The following MLPH variants were observed in gnomAD, a reference collection of about 807,000 sequenced individuals.
MLPH encodes the protein melanophilin, also known as exophilin-3.
In MLPH, 51 loss-of-function variants were observed where a neutral mutation model predicts 72.1. The ratio of observed to expected loss-of-function variants is 0.71; its 90% CI spans 0.56 to 0.89. MLPH has a LOEUF of 0.89. Among genes scored for constraint, MLPH ranks in the 40% least tolerant of loss-of-function variants. The pLI, the probability that MLPH is intolerant of heterozygous loss-of-function variation, is 0.00. For missense variants in MLPH, 743 were observed against 759.9 expected (o/e 0.98, Z 0.26); for synonymous variants, 301 against 310.1 (o/e 0.97, Z 0.31).
intron 6 of MLPH, among the ~76,000 whole-genome samples, chr2:237,524,288 G>C (rs2106335214): frequency 7.7e-6 from 1 of 129,260 alleles, no homozygotes; most frequent in Admixed American, 7.2e-5. Context: ...TTCTTAGAGG[G>C]ACAGAACTAA....
intron 12 of MLPH, among the ~76,000 whole-genome samples, 177 bp downstream of exon 12, chr2:237,542,836 T>TA (rs1559373240): frequency 7.4e-5 from 1 of 13,462 alleles, no homozygotes; most frequent in East Asian, 3.6e-3. Context: ...CAGTGGTGAG[T>TA]GGGGGACAGT....
At chr2:237,490,346 A>C (rs2079405090) in intron 1 of MLPH, among the ~76,000 whole-genome samples, 1 of 152,130 alleles carries the variant, frequency 6.6e-6, no homozygotes, top group South Asian at 2.1e-4. Context: ...AAAAGAAAGA[A>C]AACCATTTGA....
chr2:237,508,023 A>G (rs1002502593), intron 2 of MLPH, among the ~76,000 whole-genome samples: 22 of 152,340 alleles, frequency 1.4e-4, no homozygotes, highest in African/African-American at 5.3e-4. Flanking sequence ...TCCTCAAAAG[A>G]CATGGACTGG....
rs1164232108 is a variant in MLPH, at chr2:237,510,748, C to T, written c.285C>T (p.Val95=). The change falls in exon 3 of 16, where the codon GTC becomes GTT. Residue 95 remains valine (V), a synonymous_variant. Coordinates refer to ENST00000264605, the MANE Select transcript of MLPH (RefSeq NM_024101.7). This position sits in a 1 kb window ranked among gnomAD's most constrained non-coding sequence, Gnocchi z 4.4. ...GLFTCKSCGR[V]HPEEQGWICD... is the part of the protein sequence containing the mutation. ...TCACCTGCAAAAGCTGTGGCCGCGT[C>T]CACCCGGAGGAGCAGGGCTGGATCT... 6.2e-7 allele frequency: 1 copy of T among 1,613,582 alleles called. No homozygotes were observed. The highest frequency in any genetic ancestry group is 1.7e-5 in the Admixed American group (1 of 60,008).
Position 237,553,717 on chromosome 2 carries a change from G to T in MLPH, c.*125G>T. The T allele has an allele frequency of 7.4e-7, 1 of 1,354,964 alleles. No homozygotes were observed. Among genetic ancestry groups the T allele is most frequent in the Non-Finnish European group, 1.1e-6 (1 of 944,100 alleles). 83.9% of individuals were successfully genotyped at this position (1,354,964 alleles called of 1,614,324 possible). A position where few individuals can be genotyped will look rare whatever the true frequency, so the allele number is the denominator to read the frequency against. On this transcript the variant is annotated 3_prime_UTR_variant, in exon 16 of 16. Coordinates refer to ENST00000264605, the MANE Select transcript of MLPH (RefSeq NM_024101.7). ...CCGTCCCAATGAGAAACAAGAAGGA[G>T]CACCCTCCACATGGACTCCCACCTG...
At chr2:237,489,738 G>T (rs1052933541) in intron 1 of MLPH, among the ~76,000 whole-genome samples, 15 of 152,138 alleles carry the variant, frequency 9.9e-5, no homozygotes, top group Admixed American at 2.0e-4. Context: ...TTGTTCCAAG[G>T]CTCCCCAAGC....
intron 1 of MLPH, among the ~76,000 whole-genome samples, 172 bp from the exon 2 acceptor site, chr2:237,493,231 T>C (rs148108946): frequency 1.6e-3 from 244 of 152,344 alleles, no homozygotes; most frequent in African/African-American, 5.5e-3. Flanking sequence ...TAGATTCACT[T>C]AAATTCATTA....
At chr2:237,545,183 GAGGGCACAGTGGT>G (rs2080880856) in intron 12 of MLPH, among the ~76,000 whole-genome samples, 1 of 29,544 alleles carries the variant, frequency 3.4e-5, no homozygotes, top group African/African-American at 1.9e-4. Flanking sequence ...GTGGTGAGTG[GAGGGCACAGTGGT>G]GAGTGGGGAC....
intron 9 of MLPH, among the ~76,000 whole-genome samples, chr2:237,537,226 A>T (rs1009582868): frequency 8.6e-6 from 1 of 116,396 alleles, no homozygotes; most frequent in Admixed American, 7.8e-5. Flanking sequence ...GTATGTTGTC[A>T]TGTGTTTTCC....
At chr2:237,532,840 G>A (rs13413234) in intron 8 of MLPH, among the ~76,000 whole-genome samples, 10,670 of 152,248 alleles carry the variant, frequency 0.07, 1,165 homozygotes, top group African/African-American at 0.24. Flanking sequence ...TCTCCATAAG[G>A]GTAGCAGAGG....
intron 4 of MLPH, among the ~76,000 whole-genome samples, chr2:237,516,945 G>GATGGATGGATGGATGGA (rs1559350602): frequency 3.0e-4 from 33 of 109,612 alleles, no homozygotes; most frequent in African/African-American, 1.1e-3. Flanking sequence ...GGATGGATAG[G>GATGGATGGATGGATGGA]TGGATAGGTG....
intron 2 of MLPH, among the ~76,000 whole-genome samples, chr2:237,501,664 T>TAAAA (rs58268748): frequency 2.8e-4 from 18 of 63,468 alleles, no homozygotes; most frequent in African/African-American, 1.7e-3. Flanking sequence ...ACGTCTCTAC[T>TAAAA]AAAAAAAAAA....
At chr2:237,503,581 G>A (rs2079699346) in intron 2 of MLPH, among the ~76,000 whole-genome samples, 2 of 152,168 alleles carry the variant, frequency 1.3e-5, no homozygotes, top group Admixed American at 6.5e-5. Flanking sequence ...CACGCTTTCA[G>A]TCATTTGGCC....
At chr2:237,516,943 A>ATGGATGGATGGATGGATG (rs1559350591) in intron 4 of MLPH, among the ~76,000 whole-genome samples, 26 of 85,054 alleles carry the variant, frequency 3.1e-4, no homozygotes, top group African/African-American at 2.8e-3. Flanking sequence ...ATGGATGGAT[A>ATGGATGGATGGATGGATG]GGTGGATAGG....
chr2:237,491,108 G>A (rs1024225653), intron 1 of MLPH, among the ~76,000 whole-genome samples: 4 of 152,258 alleles, frequency 2.6e-5, no homozygotes, highest in Admixed American at 2.0e-4. Flanking sequence ...CAACAAAATC[G>A]AAGTACGTCT....
chr2:237,505,189 G>A lies in MLPH; in HGVS notation c.111-5385G>A, dbSNP rs2079739236. 6.6e-6 allele frequency among the ~76,000 whole-genome samples: 1 copy of A among 152,214 alleles called. No individual in the cohort carries two copies. The highest frequency in any genetic ancestry group is 2.4e-5 in the African/African-American group (1 of 41,454). ...CCACCTCCTTGCTGGTCCTGATGCA[G>A]AGTGGAGGGCAGGTCAGCTTGCAGG... On this transcript the variant is annotated intron_variant, in intron 2 of 15. Transcript: ENST00000264605. This position sits in a 1 kb window ranked among gnomAD's most constrained non-coding sequence, Gnocchi z 4.5.
intron 1 of MLPH, among the ~76,000 whole-genome samples, chr2:237,490,407 T>C (rs1422321750): frequency 6.6e-6 from 1 of 152,138 alleles, no homozygotes; most frequent in African/African-American, 2.4e-5. Context: ...TCTAGGACAT[T>C]GGTTGTGATG....
intron 15 of MLPH, chr2:237,553,306 C>T (rs535693065): frequency 1.7e-6 from 1 of 592,066 alleles, no homozygotes; most frequent in Admixed American, 2.4e-5. Flanking sequence ...CCTTTTGTTC[C>T]TCAGGCATGG....
At chr2:237,497,091 T>C (rs985928048) in intron 2 of MLPH, among the ~76,000 whole-genome samples, 2 of 152,158 alleles carry the variant, frequency 1.3e-5, no homozygotes, top group African/African-American at 2.4e-5. Context: ...CTCGTTCTCA[T>C]AAGGAGCACA....
Sources: allele counts gnomAD v4.1 joint callset (sites outside exome capture counted in the v4.1 genomes callset), GRCh38; gene constraint gnomAD v4.1.1; non-coding constraint Gnocchi (gnomAD v3.1); transcripts MANE v1.5; gene names NCBI Gene and HGNC (gene_info 2026-07-23, HGNC 2026-07-21).